Variants in GPHN observed in about 807,000 individuals in gnomAD.
GPHN encodes the protein gephyrin.
Under a neutral mutation model 95.5 loss-of-function variants are expected in GPHN, and 17 were observed. The ratio of observed to expected loss-of-function variants is 0.18; its 90% CI spans 0.12 to 0.27. GPHN has a LOEUF of 0.27. Among genes scored for constraint, GPHN ranks in the 10% least tolerant of loss-of-function variants. The probability of loss-of-function intolerance (pLI) is 1.00; values close to 1 mark genes in which losing one functional copy is unlikely to be tolerated. For missense variants in GPHN, 660 were observed against 978.1 expected, an observed-to-expected ratio of 0.67 and a Z score of 4.34; for synonymous variants, 320 against 322.5, an observed-to-expected ratio of 0.99 and a Z score of 0.08.
chr14:66,596,424 A>G (rs1047657599), intron 1 of GPHN, among the ~76,000 whole-genome samples: 1 of 151,958 alleles, frequency 6.6e-6, no homozygotes, highest in African/African-American at 2.4e-5. Context: ...CACGGTGCCC[A>G]TGGTGCCCAG....
intron 11 of GPHN, among the ~76,000 whole-genome samples, chr14:67,063,358 G>A (rs551015122): frequency 1.3e-5 from 2 of 152,280 alleles, no homozygotes; most frequent in East Asian, 3.9e-4. Flanking sequence ...TTTGAAGTCT[G>A]GTAGTGTGAT....
intron 2 of GPHN, among the ~76,000 whole-genome samples, chr14:66,757,735 G>T (rs528613672): frequency 6.6e-6 from 1 of 152,226 alleles, no homozygotes; most frequent in East Asian, 1.9e-4. Flanking sequence ...AATCTGGTTG[G>T]CAGGGTAGGG....
chr14:67,519,702 C>T, the GPHN span, among the ~76,000 whole-genome samples: 1 of 146,944 alleles, frequency 6.8e-6, no homozygotes, highest in Non-Finnish European at 1.5e-5. Flanking sequence ...GACTCAGTGG[C>T]CCTGTAAGTT....
chr14:67,441,565 C>T, the GPHN span, among the ~76,000 whole-genome samples: 1 of 152,170 alleles, frequency 6.6e-6, no homozygotes, highest in Non-Finnish European at 1.5e-5. Context: ...TATGTGTCAA[C>T]TTGACCTCCC....
At chr14:67,729,379 A>G in the GPHN span, 1 of 1,597,258 alleles carries the variant, frequency 6.3e-7, no homozygotes, top group Non-Finnish European at 8.5e-7. Context: ...CAAGTACTTC[A>G]GGTGTGTGAA....
chr14:66,679,807 T>C (rs956688619), intron 1 of GPHN, among the ~76,000 whole-genome samples: 1 of 152,234 alleles, frequency 6.6e-6, no homozygotes, highest in African/African-American at 2.4e-5. Context: ...TTTCATTCTT[T>C]GTTGAAGTTT....
chr14:67,706,083 C>G, the GPHN span: 6,550 of 152,106 alleles, frequency 0.043, 205 homozygotes, highest in Non-Finnish European at 0.066. Flanking sequence ...AGTTCAGCAT[C>G]AATATAGTGA....
At chr14:67,234,121 C>A in the GPHN span, among the ~76,000 whole-genome samples, 1 of 152,314 alleles carries the variant, frequency 6.6e-6, no homozygotes, top group Non-Finnish European at 1.5e-5. Flanking sequence ...TAGGAGGTAG[C>A]TACTTTTATT....
chr14:67,718,534 T>C, the GPHN span, among the ~76,000 whole-genome samples: 1 of 152,184 alleles, frequency 6.6e-6, no homozygotes, highest in Non-Finnish European at 1.5e-5. Flanking sequence ...CCTGGGAGGA[T>C]GGCTGATCCG....
rs554904846 is a variant in GPHN at position 66,968,480 on chromosome 14, A to G, written c.963+3155A>G. 3.9e-5 allele frequency among the ~76,000 whole-genome samples: 6 copies of G among 152,258 alleles called. No individual in the cohort carries two copies. In the South Asian group the frequency reaches 1.2e-3, roughly 32 times the overall value. On this transcript the variant is annotated intron_variant, in intron 9 of 22. Transcript: ENST00000478722. Reference sequence around the variant, plus strand: ...CAAATCCCATAGAAATCCTTTCTACATTTCAAATTCGGCATGCACAGATTT... The same window carrying G: ...CAAATCCCATAGAAATCCTTTCTACGTTTCAAATTCGGCATGCACAGATTT...
intron 2 of GPHN, among the ~76,000 whole-genome samples, chr14:66,752,263 G>A (rs2058394360): frequency 6.6e-6 from 1 of 152,104 alleles, no homozygotes; most frequent in African/African-American, 2.4e-5. Context: ...CACTGGAGTA[G>A]CACTTTTAAT....
At chr14:67,046,932 C>A (rs2075047220) in intron 10 of GPHN, among the ~76,000 whole-genome samples, 1 of 152,094 alleles carries the variant, frequency 6.6e-6, no homozygotes. Context: ...TTACCAAGGA[C>A]CCTAACTATT....
At chr14:67,161,824 A>G (rs1303666734) in intron 19 of GPHN, among the ~76,000 whole-genome samples, 1 of 152,210 alleles carries the variant, frequency 6.6e-6, no homozygotes, top group Non-Finnish European at 1.5e-5. Context: ...TTACCTCTAG[A>G]GAAGAGTTAT....
At chr14:67,669,963 C>T in the GPHN span, among the ~76,000 whole-genome samples, 1 of 152,196 alleles carries the variant, frequency 6.6e-6, no homozygotes, top group Non-Finnish European at 1.5e-5. Flanking sequence ...GGCCTGGTGC[C>T]ATGCACCTGT....
chr14:67,565,990 C>T, the GPHN span, among the ~76,000 whole-genome samples: 112 of 152,176 alleles, frequency 7.4e-4, 2 homozygotes, highest in African/African-American at 2.5e-3. Context: ...CATGGTGGTG[C>T]ACGCCTATAG....
intron 3 of GPHN, among the ~76,000 whole-genome samples, chr14:66,813,202 T>G (rs757934418): frequency 1.3e-5 from 2 of 152,182 alleles, no homozygotes; most frequent in Non-Finnish European, 2.9e-5. Flanking sequence ...TTAATAACTT[T>G]TATAATTATT....
rs114850717 is a variant in GPHN at position 66,550,505 on chromosome 14, G to A, written c.64+41914G>A. 3.7e-3 allele frequency among the ~76,000 whole-genome samples: 556 copies of A among 152,310 alleles called. 12 individuals carry two copies. The highest frequency in any genetic ancestry group is 0.013 in the African/African-American group (530 of 41,578). ...TGATAATGCTATAGACATTGTTGAA[G>A]TGACAACAAAGGGTTTTAATTATTA... is the stretch of plus-strand genomic sequence containing the variant. On this transcript the variant is annotated intron_variant, in intron 1 of 22. Transcript: ENST00000478722.
At chr14:67,083,764 A>G (rs957613343) in intron 11 of GPHN, among the ~76,000 whole-genome samples, 1 of 152,296 alleles carries the variant, frequency 6.6e-6, no homozygotes, top group East Asian at 1.9e-4. Context: ...AGCCTTGACC[A>G]TATGCATGGA....
At chr14:67,032,963 T>A (rs1246464285) in intron 10 of GPHN, among the ~76,000 whole-genome samples, 1 of 151,810 alleles carries the variant, frequency 6.6e-6, no homozygotes, top group Non-Finnish European at 1.5e-5. Context: ...GGCAAATAAT[T>A]CAAAATAATT....
Sources: gnomAD v4.1 joint callset for allele counts (sites outside exome capture counted in the v4.1 genomes callset) on GRCh38, gnomAD v4.1.1 for gene constraint, MANE v1.5 for transcripts, NCBI Gene and HGNC (gene_info 2026-07-23, HGNC 2026-07-21) for gene names.